Variants in STK3 observed in about 807,000 individuals in gnomAD.
STK3 encodes the protein serine/threonine-protein kinase 3.
A neutral mutation model predicts 58.0 loss-of-function variants in STK3; 41 were observed. The ratio of observed to expected loss-of-function variants is 0.71; its 90% confidence interval spans 0.55 to 0.92. The LOEUF (loss-of-function observed/expected upper bound fraction) is 0.92. STK3 is among the 40% of genes least tolerant of loss of function. The pLI is 0.00. For synonymous variants in STK3, 170 were observed against 191.0 expected, an observed-to-expected ratio of 0.89 and a Z score of 0.91; for missense variants, 479 against 602.7, an observed-to-expected ratio of 0.79 and a Z score of 2.15.
rs547163892 is a variant in STK3 at position 98,632,844 on chromosome 8, G to C, written c.685-36675C>G. On this transcript the variant is annotated intron_variant, in intron 6 of 10. Coordinates refer to ENST00000419617, the MANE Select transcript of STK3 (RefSeq NM_006281.4). ...GCACTCAAGCTGTTCACTGATAAGA[G>C]AGAGAATATTCTTTCCTTCAAGGTT... 2.1e-4 allele frequency among the ~76,000 whole-genome samples: 32 copies of C among 152,218 alleles called. No homozygotes were observed. In the South Asian group the frequency reaches 5.4e-3, roughly 26 times the overall value.
chr8:98,517,487 G>A (rs1280756672), intron 10 of STK3, among the ~76,000 whole-genome samples: 1 of 152,040 alleles, frequency 6.6e-6, no homozygotes, highest in Non-Finnish European at 1.5e-5. Context: ...ACAATGATGT[G>A]CATACTTCTA....
Position 98,744,740 on chromosome 8 carries a change from A to T in STK3, c.351+4536T>A, listed in dbSNP as rs781172782. ...TAAAACTTAAAGTATAATAATAATT[A>T]AAAAAAACATATTTCTGTTGCAGAA... is the stretch of plus-strand genomic sequence containing the variant. On this transcript the variant is annotated intron_variant, in intron 4 of 10. Coordinates refer to ENST00000419617, the MANE Select transcript of STK3 (RefSeq NM_006281.4). 3.6e-4 allele frequency among the ~76,000 whole-genome samples: 55 copies of T among 151,972 alleles called. 1 individual carries two copies. The highest frequency in any genetic ancestry group is 6.0e-4 in the African/African-American group (25 of 41,374).
chr8:98,395,159 G>A (rs927768978), intron 3 of STK3, among the ~76,000 whole-genome samples: 2 of 152,030 alleles, frequency 1.3e-5, no homozygotes, highest in Non-Finnish European at 2.9e-5. Context: ...AGACTTCTGG[G>A]ATCTTGGCAT....
At chr8:98,469,002 G>A (rs185688628) in intron 10 of STK3, among the ~76,000 whole-genome samples, 4 of 152,010 alleles carry the variant, frequency 2.6e-5, no homozygotes, top group African/African-American at 7.2e-5. Flanking sequence ...CCAGCTACTC[G>A]GGAGGCTGAG....
At chr8:98,698,229 C>T (rs2081931234) in intron 6 of STK3, among the ~76,000 whole-genome samples, 2 of 151,448 alleles carry the variant, frequency 1.3e-5, no homozygotes, top group Non-Finnish European at 2.9e-5. Flanking sequence ...GATCTTCCTC[C>T]ATCCTTTTAT....
intron 8 of STK3, among the ~76,000 whole-genome samples, chr8:98,559,979 A>G (rs538660623): frequency 4.6e-5 from 7 of 152,270 alleles, no homozygotes; most frequent in Admixed American, 1.3e-4. Context: ...GAAAACCAAG[A>G]GCAATAAAAC....
intron 1 of STK3, among the ~76,000 whole-genome samples, chr8:98,812,379 C>T (rs1326577233): frequency 6.6e-6 from 1 of 152,138 alleles, no homozygotes; most frequent in Admixed American, 6.5e-5. Context: ...ATTAAAAAGT[C>T]AGGAAACAAC....
In STK3 at chr8:98,405,966, C is replaced by T. The variant is rs563645369; in HGVS notation, n.484-4453G>A. ...CACATGGGAATTCAACATGAGATTT[C>T]GATGGGGATGCAGACAAACCATATC... is the stretch of plus-strand genomic sequence containing the variant. On this transcript the variant is annotated intron_variant and non_coding_transcript_variant, in intron 3 of 3. Coordinates refer to the STK3 transcript ENST00000517832. 5.9e-5 allele frequency among the ~76,000 whole-genome samples: 9 copies of T among 152,270 alleles called. No homozygotes were observed. The South Asian group carries it at 1.7e-3, about 28-fold the overall frequency.
Position 98,716,378 on chromosome 8 carries a change from A to G in STK3, c.352-9067T>C, listed in dbSNP as rs376987218. Reference sequence around the variant, plus strand: ...TATTTTTATACATTACCAATGAGCAATCTGAAAAGGAAACTACAAAAAAAA... The same window carrying G: ...TATTTTTATACATTACCAATGAGCAGTCTGAAAAGGAAACTACAAAAAAAA... On this transcript the variant is annotated intron_variant, in intron 4 of 10. Coordinates refer to ENST00000419617, the MANE Select transcript of STK3 (RefSeq NM_006281.4). Among the ~76,000 whole-genome samples, 102 of 152,228 alleles carry G rather than the reference A, an allele frequency of 6.7e-4. 2 individuals carry two copies. In the South Asian group the frequency reaches 0.021, roughly 31 times the overall value.
At chr8:98,744,739 TA>T (rs1364852801) in intron 4 of STK3, among the ~76,000 whole-genome samples, 3 of 151,260 alleles carry the variant, frequency 2.0e-5, no homozygotes, top group East Asian at 1.9e-4. Flanking sequence ...TAATAATAAT[TA>T]AAAAAAACAT....
At chr8:98,629,906 C>T (rs1273871114) in intron 6 of STK3, among the ~76,000 whole-genome samples, 3 of 152,148 alleles carry the variant, frequency 2.0e-5, no homozygotes, top group Admixed American at 2.0e-4. Context: ...CTCTTATATT[C>T]TGGGACTATT....
the STK3 span, among the ~76,000 whole-genome samples, chr8:98,352,291 A>G: frequency 2.6e-5 from 4 of 152,182 alleles, no homozygotes; most frequent in African/African-American, 9.7e-5. Flanking sequence ...TAAATCCACA[A>G]TTCACAATGG....
chr8:98,779,753 T>G (rs1831961321), intron 1 of STK3, among the ~76,000 whole-genome samples: 1 of 152,206 alleles, frequency 6.6e-6, no homozygotes, highest in Non-Finnish European at 1.5e-5. Flanking sequence ...TTTTTACAGC[T>G]GCATCCTATT....
At chr8:98,912,802 T>C (rs535703054) in intron 1 of STK3, among the ~76,000 whole-genome samples, 3 of 152,274 alleles carry the variant, frequency 2.0e-5, no homozygotes, top group South Asian at 2.1e-4. Flanking sequence ...CAATAATAAA[T>C]GGTAAAAACT....
At chr8:98,720,521 C>G (rs1012631088) in intron 4 of STK3, among the ~76,000 whole-genome samples, 5 of 152,070 alleles carry the variant, frequency 3.3e-5, no homozygotes, top group African/African-American at 9.6e-5. Context: ...AAGGCCGAGG[C>G]AGGTGGATCA....
At chr8:98,906,363 C>T (rs927529179) in intron 1 of STK3, 2 of 152,472 alleles carry the variant, frequency 1.3e-5, no homozygotes, top group African/African-American at 4.8e-5. Flanking sequence ...AGGCCTCAGC[C>T]CTGTGCACCA....
intron 6 of STK3, among the ~76,000 whole-genome samples, chr8:98,669,295 C>G (rs191359034): frequency 9.2e-5 from 14 of 152,060 alleles, no homozygotes; most frequent in Non-Finnish European, 4.4e-5. Flanking sequence ...GCGCCCGGCC[C>G]ATTAATCTTA....
intron 4 of STK3, among the ~76,000 whole-genome samples, chr8:98,743,821 T>G (rs969714006): frequency 2.6e-5 from 4 of 151,888 alleles, no homozygotes; most frequent in Non-Finnish European, 5.9e-5. Context: ...GGAGAAAATT[T>G]TCGCAACCTA....
At chr8:98,651,671 G>A (rs1216795410) in intron 6 of STK3, 1 of 152,192 alleles carries the variant, frequency 6.6e-6, no homozygotes, top group Non-Finnish European at 1.5e-5. Flanking sequence ...TGAAAGCCAA[G>A]GCTCGAGAAC....
Sources: allele counts gnomAD v4.1 joint callset (sites outside exome capture counted in the v4.1 genomes callset), GRCh38; gene constraint gnomAD v4.1.1; transcripts MANE v1.5; gene names NCBI Gene and HGNC (gene_info 2026-07-23, HGNC 2026-07-21).